The following D2HGDH variants were observed in gnomAD, a reference collection of about 807,000 sequenced individuals.
D2HGDH encodes the protein D-2-hydroxyglutarate dehydrogenase, also known as D-2-hydroxyglutarate dehydrogenase, mitochondrial.
Under a neutral mutation model 46.9 loss-of-function variants are expected in D2HGDH, and 31 were observed. The ratio of observed to expected loss-of-function variants is 0.66; its 90% CI spans 0.50 to 0.89. D2HGDH has a LOEUF of 0.89. Among genes scored for constraint, D2HGDH ranks in the 40% least tolerant of loss-of-function variants. D2HGDH has a pLI of 0.00. For missense variants in D2HGDH, 698 were observed against 720.8 expected (o/e 0.97, Z 0.36); for synonymous variants, 364 against 332.6 (o/e 1.09, Z -1.03).
At chr2:241,753,173 C>T (rs112058555) in intron 8 of D2HGDH, among the ~76,000 whole-genome samples, 9,423 of 152,228 alleles carry the variant, frequency 0.062, 326 homozygotes, top group Middle Eastern at 0.11. Context: ...GGCTCATGCT[C>T]GACGGGTAGG....
intron 6 of D2HGDH, chr2:241,748,710 C>A: frequency 1.5e-6 from 1 of 684,490 alleles, no homozygotes; most frequent in East Asian, 1.2e-4. Context: ...CACCTTCAGC[C>A]CCTGGTGGGG....
Position 241,735,513 on chromosome 2 carries a change from C to T in D2HGDH, c.289C>T (p.Arg97Ter). 6.2e-7 allele frequency: 1 copy of T among 1,605,498 alleles called. No individual in the cohort carries two copies. ...CAACGTGGACTGGTTGCGGACGCTGCGAGGTGGGTGAGGCTTGGGAAGCTG... is the reference window on the plus strand; with the variant it reads ...CAACGTGGACTGGTTGCGGACGCTGTGAGGTGGGTGAGGCTTGGGAAGCTG... Reference protein sequence around the residue: ...APNVDWLRTLRGCSKVLLRPR... With the variant: ...APNVDWLRTL Residue 97 changes from arginine (R) to a stop codon, truncating the protein, a stop_gained, in exon 2 of 10, where the codon CGA becomes TGA. Coordinates refer to ENST00000321264, the MANE Select transcript of D2HGDH (RefSeq NM_152783.5). LOFTEE classifies it high-confidence loss of function.
At chr2:241,750,477 A>T (rs1559379537) in intron 7 of D2HGDH, among the ~76,000 whole-genome samples, 183 bp downstream of exon 7, 1 of 152,178 alleles carries the variant, frequency 6.6e-6, no homozygotes, top group Non-Finnish European at 1.5e-5. Flanking sequence ...TAACATATTT[A>T]GGACAAAGAA....
At chr2:241,755,490 C>CCCTT (rs1698026719) in intron 8 of D2HGDH, 1 of 1,335,032 alleles carries the variant, frequency 7.5e-7, no homozygotes, top group African/African-American at 1.5e-5. Flanking sequence ...GGGCGCCTCC[C>CCCTT]CCTTCCGTCA....
At chr2:241,755,345 C>T in intron 8 of D2HGDH, 1 of 1,304,116 alleles carries the variant, frequency 7.7e-7, no homozygotes, top group South Asian at 1.2e-5. Flanking sequence ...GTTGTCCCCA[C>T]TGCCTGTGTG....
chr2:241,743,829 G>C lies in D2HGDH; in HGVS notation c.684+14G>C. 1 of 1,586,644 alleles carries C rather than the reference G, an allele frequency of 6.3e-7. No homozygotes were observed. The highest frequency in any genetic ancestry group is 8.6e-7 in the Non-Finnish European group (1 of 1,167,206). On this transcript the variant is annotated intron_variant, in intron 5 of 9. Coordinates refer to ENST00000321264, the MANE Select transcript of D2HGDH (RefSeq NM_152783.5). This position sits in a 1 kb window ranked among gnomAD's most constrained non-coding sequence, Gnocchi z 4.8. ...GGCCTGGAAGTGGTGAGCTGGGGCAGCTGCTTGGTGCAGAGGTCGCCACGG... is the reference window on the plus strand; with the variant it reads ...GGCCTGGAAGTGGTGAGCTGGGGCACCTGCTTGGTGCAGAGGTCGCCACGG...
At position 241,751,355 on chromosome 2, in the gene D2HGDH, T is replaced by C. The variant is rs141343442; in HGVS notation, c.1107T>C (p.Asp369=). 76,790 of 1,613,616 alleles carry C rather than the reference T, an allele frequency of 0.048. 2,234 individuals are homozygous for C. The highest frequency in any genetic ancestry group is 0.1 in the South Asian group (9,119 of 91,076). The change falls in exon 8 of 10, where the codon GAT becomes GAC. Residue 369 remains aspartate (D), a synonymous_variant. Coordinates refer to ENST00000321264, the MANE Select transcript of D2HGDH (RefSeq NM_152783.5). The part of the protein sequence containing the change: ...EHALGSGLVT[D]GTMATDQRKV... The stretch of plus-strand genomic sequence containing the variant: ...CGCTGGGCTCCGGCCTGGTGACCGA[T>C]GGGACCATGGCCACCGACCAGAGGA...
intron 9 of D2HGDH, among the ~76,000 whole-genome samples, chr2:241,757,755 C>T (rs908434713): frequency 2.6e-5 from 4 of 152,046 alleles, no homozygotes; most frequent in Admixed American, 1.3e-4. Flanking sequence ...GTCAGGAGTT[C>T]GACACCAGCC....
chr2:241,762,499 C>G (rs922357206), intron 9 of D2HGDH, among the ~76,000 whole-genome samples: 7 of 152,178 alleles, frequency 4.6e-5, no homozygotes, highest in Non-Finnish European at 1.0e-4. Flanking sequence ...GAGTGTTTAC[C>G]TGCCTGGCAC....
intron 3 of D2HGDH, among the ~76,000 whole-genome samples, chr2:241,741,999 G>A (rs1694592326): frequency 6.6e-6 from 1 of 152,236 alleles, no homozygotes; most frequent in South Asian, 2.1e-4. Context: ...CAAAGGTGCA[G>A]GCTGGTTGGG....
chr2:241,760,595 G>A (rs1575332181), intron 9 of D2HGDH, among the ~76,000 whole-genome samples: 1 of 150,830 alleles, frequency 6.6e-6, no homozygotes, highest in African/African-American at 2.4e-5. Context: ...GAAGTCCTTC[G>A]CCACAGTGTG....
chr2:241,735,597 A>T, intron 2 of D2HGDH, 81 bp downstream of exon 2: 1 of 1,567,880 alleles, frequency 6.4e-7, no homozygotes, highest in Non-Finnish European at 8.6e-7. Flanking sequence ...AAGCGGGCTG[A>T]GAACAACCTG....
chr2:241,768,101 C>A lies in D2HGDH; in HGVS notation c.*132C>A. ...GGCACCTGGTTGAAGGGACTGGGAG[C>A]CCGCACTGGGGAACTGCCGGACGCA... On this transcript the variant is annotated 3_prime_UTR_variant, in exon 10 of 10. Transcript: ENST00000321264. 1 of 1,336,680 alleles carries A rather than the reference C, an allele frequency of 7.5e-7. No homozygotes were observed. Among genetic ancestry groups the A allele is most frequent in the Non-Finnish European group, 1.0e-6 (1 of 1,004,830 alleles). The allele number at this position is 1,336,680 out of a possible 1,614,324, so 82.8% of individuals were successfully genotyped here.
rs113245834 is a variant in D2HGDH at position 241,749,226 on chromosome 2, C to T, written c.854-925C>T. On this transcript the variant is annotated intron_variant, in intron 6 of 9. Transcript: ENST00000321264. ...CCACCTCCCACACCCCAGCCCTCTA[C>T]GCGTCTGCAGCCACACCCCGACATG... The T allele has an allele frequency of 9.7e-4, 1,055 of 1,088,168 alleles. 8 individuals carry two copies. The African/African-American group carries it at 0.015, about 16-fold the overall frequency. 67.4% of individuals were successfully genotyped at this position (1,088,168 alleles called of 1,614,324 possible).
At chr2:241,736,359 C>T (rs1004042582) in intron 2 of D2HGDH, 5 of 152,330 alleles carry the variant, frequency 3.3e-5, no homozygotes, top group Non-Finnish European at 7.3e-5. Context: ...CCCCTCCCCA[C>T]CAAACCCCAC....
rs980340161 is a variant in D2HGDH at position 241,742,639 on chromosome 2, C to G, written c.490+65C>G. 3.8e-6 allele frequency: 6 copies of G among 1,598,140 alleles called. No individual in the cohort carries two copies. In the Admixed American group the frequency reaches 8.3e-5, roughly 22 times the overall value. On this transcript the variant is annotated intron_variant, in intron 4 of 9. Coordinates refer to ENST00000321264, the MANE Select transcript of D2HGDH (RefSeq NM_152783.5). The surrounding 1 kb of genome is among the most constrained non-coding windows in gnomAD (Gnocchi z 4.8). The stretch of plus-strand genomic sequence containing the variant: ...TGGTGCTGGTGGAGTTCTTCCTTGC[C>G]AGCGTCTGCAACTGTGGGGTGCTTG...
chr2:241,742,869 G>A lies in D2HGDH; in HGVS notation c.490+295G>A, dbSNP rs75958744. Among the ~76,000 whole-genome samples the A allele has an allele frequency of 9.0e-3, 1,351 of 149,502 alleles. 80 individuals are homozygous for A. In the East Asian group the frequency reaches 0.19, roughly 21 times the overall value. On this transcript the variant is annotated intron_variant, in intron 4 of 9. Transcript: ENST00000321264. This position sits in a 1 kb window ranked among gnomAD's most constrained non-coding sequence, Gnocchi z 4.8. ...GGATCCTGACCCAGGGTGCCAGGGC[G>A]TGGCAGGCATGAGGGGATCCTGACC...
Position 241,737,109 on chromosome 2 carries a change from C to A in D2HGDH, c.292+1593C>A, listed in dbSNP as rs1419254019. On this transcript the variant is annotated intron_variant, in intron 2 of 9. Transcript: ENST00000321264. Reference sequence around the variant, plus strand: ...TCCGCCTCCCGAGTAGCTGGGACTACAGGCGCCCGCCACCACGCCCGGCTC... The same window carrying A: ...TCCGCCTCCCGAGTAGCTGGGACTAAAGGCGCCCGCCACCACGCCCGGCTC... Among the ~76,000 whole-genome samples, 3 of 152,348 alleles carry A rather than the reference C, an allele frequency of 2.0e-5. No individual in the cohort carries two copies. The East Asian group carries it at 5.8e-4, about 29-fold the overall frequency.
intron 9 of D2HGDH, among the ~76,000 whole-genome samples, chr2:241,762,199 G>A (rs1246329253): frequency 6.6e-6 from 1 of 151,286 alleles, no homozygotes; most frequent in African/African-American, 2.4e-5. Flanking sequence ...AGCCTCCCGA[G>A]CAGCTGGGAT....
Sources: allele counts gnomAD v4.1 joint callset (sites outside exome capture counted in the v4.1 genomes callset), GRCh38; gene constraint gnomAD v4.1.1; non-coding constraint Gnocchi (gnomAD v3.1); transcripts MANE v1.5; gene names NCBI Gene and HGNC (gene_info 2026-07-23, HGNC 2026-07-21).